DPP6: variants seen among roughly 807,000 people sequenced by gnomAD.
DPP6 encodes A-type potassium channel modulatory protein DPP6.
DPP6 carries 69 observed loss-of-function variants against 122.6 expected under a neutral mutation model. The observed-to-expected ratio is 0.56, with a 90% confidence interval of 0.46 to 0.69. DPP6 has a LOEUF of 0.69. Ranked by LOEUF, DPP6 falls within the 30% of genes least tolerant of loss-of-function variation. The probability of loss-of-function intolerance (pLI) is 0.00; values close to 1 mark genes in which losing one functional copy is unlikely to be tolerated. For synonymous variants in DPP6, 418 were observed against 433.1 expected, an observed-to-expected ratio of 0.97 and a Z score of 0.43; for missense variants, 928 against 1,116.9, an observed-to-expected ratio of 0.83 and a Z score of 2.41.
chr7:154,802,258 G>A (rs983116776), intron 13 of DPP6, among the ~76,000 whole-genome samples: 2 of 152,240 alleles, frequency 1.3e-5, no homozygotes, highest in African/African-American at 4.8e-5. Flanking sequence ...TGACATAGAA[G>A]GCTCATATTT....
At chr7:154,155,726 T>G (rs773634781) in intron 1 of DPP6, among the ~76,000 whole-genome samples, 2 of 152,220 alleles carry the variant, frequency 1.3e-5, no homozygotes, top group Non-Finnish European at 2.9e-5. Context: ...AGTTTCAGAA[T>G]GTGTCTGATC....
At chr7:154,584,901 A>G (rs1282313296) in intron 5 of DPP6, among the ~76,000 whole-genome samples, 1 of 152,244 alleles carries the variant, frequency 6.6e-6, no homozygotes, top group Non-Finnish European at 1.5e-5. Flanking sequence ...GTATCTTTAT[A>G]TAACATATAC....
intron 7 of DPP6, among the ~76,000 whole-genome samples, chr7:154,693,046 C>T (rs1563110490): frequency 6.6e-6 from 1 of 152,198 alleles, no homozygotes; most frequent in South Asian, 2.1e-4. Context: ...CCTGCCTCAG[C>T]CTCCCAAAGT....
At chr7:154,014,072 C>T (rs1798281846) in intron 1 of DPP6, among the ~76,000 whole-genome samples, 1 of 152,036 alleles carries the variant, frequency 6.6e-6, no homozygotes, top group African/African-American at 2.4e-5. Flanking sequence ...CTACCTAATA[C>T]CTAATTCCAA....
intron 1 of DPP6, among the ~76,000 whole-genome samples, chr7:154,070,476 T>G (rs1803039240): frequency 6.6e-6 from 1 of 152,208 alleles, no homozygotes; most frequent in Non-Finnish European, 1.5e-5. Flanking sequence ...TTTTAAGTGT[T>G]TTATGTGATC....
At chr7:154,377,085 G>C (rs1267381662) in intron 1 of DPP6, among the ~76,000 whole-genome samples, 3 of 152,132 alleles carry the variant, frequency 2.0e-5, no homozygotes, top group African/African-American at 7.2e-5. Context: ...AGAGTTCTGA[G>C]CCATTTTCTT....
chr7:154,239,818 C>CAAAAAAAAAAA (rs146860382), intron 1 of DPP6, among the ~76,000 whole-genome samples: 1 of 91,848 alleles, frequency 1.1e-5, no homozygotes, highest in Non-Finnish European at 2.6e-5. Flanking sequence ...ACTAAAACTA[C>CAAAAAAAAAAA]AAAAAAAAAA....
chr7:154,014,301 A>G (rs1236640298), intron 1 of DPP6, among the ~76,000 whole-genome samples: 3 of 143,112 alleles, frequency 2.1e-5, no homozygotes, highest in Non-Finnish European at 4.5e-5. Context: ...TCAAATTTAT[A>G]CTAGCATAAG....
chr7:154,724,977 G>C lies in DPP6; in HGVS notation c.763-2790G>C, dbSNP rs569460720. ...TAAATTTTTTTCAATAGCTTTCTGA[G>C]AAAGACCTTGCCTGCCCTTTGCCTG... On this transcript the variant is annotated intron_variant, in intron 7 of 25. Transcript: ENST00000377770. 1.2e-4 allele frequency among the ~76,000 whole-genome samples: 18 copies of C among 152,270 alleles called. No individual in the cohort carries two copies. In the South Asian group the frequency reaches 3.3e-3, roughly 28 times the overall value.
the DPP6 span, among the ~76,000 whole-genome samples, chr7:153,755,789 CTT>C: frequency 6.6e-6 from 1 of 152,162 alleles, no homozygotes; most frequent in Non-Finnish European, 1.5e-5. Flanking sequence ...CTCTTCAAGA[CTT>C]TATATCTTTG....
At chr7:154,230,894 C>A (rs1465815864) in intron 1 of DPP6, among the ~76,000 whole-genome samples, 1 of 152,224 alleles carries the variant, frequency 6.6e-6, no homozygotes. Flanking sequence ...TCAGTCCAAA[C>A]TATTCTACCT....
At chr7:154,506,979 T>G (rs1179698471) in intron 3 of DPP6, among the ~76,000 whole-genome samples, 1 of 152,194 alleles carries the variant, frequency 6.6e-6, no homozygotes, top group African/African-American at 2.4e-5. Context: ...AAATTTCACA[T>G]CATACTTTTC....
the DPP6 span, among the ~76,000 whole-genome samples, chr7:153,789,507 T>G: frequency 6.6e-6 from 1 of 152,152 alleles, no homozygotes; most frequent in Non-Finnish European, 1.5e-5. Context: ...AACACTGGAT[T>G]TATGAGAAAT....
At chr7:154,473,583 A>G (rs2151345260) in intron 2 of DPP6, among the ~76,000 whole-genome samples, 1 of 152,360 alleles carries the variant, frequency 6.6e-6, no homozygotes, top group African/African-American at 2.4e-5. Context: ...AATAAAACCC[A>G]TGCAATGCAC....
chr7:154,087,567 G>A (rs1393680895), intron 1 of DPP6, among the ~76,000 whole-genome samples: 1 of 152,200 alleles, frequency 6.6e-6, no homozygotes, highest in African/African-American at 2.4e-5. Context: ...CTCAGCTAGA[G>A]AGCCTTTTTA....
chr7:153,992,594 C>T (rs1797230998), intron 1 of DPP6, among the ~76,000 whole-genome samples: 1 of 152,228 alleles, frequency 6.6e-6, no homozygotes, highest in African/African-American at 2.4e-5. Context: ...ATCCGTCCTA[C>T]CCACTGCCAT....
chr7:153,800,448 T>G, the DPP6 span, among the ~76,000 whole-genome samples: 1 of 152,168 alleles, frequency 6.6e-6, no homozygotes, highest in Non-Finnish European at 1.5e-5. Context: ...GAAGAGAGGT[T>G]GCTTAATGGG....
intron 4 of DPP6, among the ~76,000 whole-genome samples, chr7:154,558,729 G>A (rs11764641): frequency 0.22 from 34,170 of 152,148 alleles, 4,287 homozygotes; most frequent in East Asian, 0.56. Flanking sequence ...GGTTCGTGTA[G>A]GTACTTTCTG....
intron 1 of DPP6, among the ~76,000 whole-genome samples, chr7:154,195,222 G>A (rs906201991): frequency 2.4e-4 from 37 of 152,156 alleles, no homozygotes; most frequent in African/African-American, 8.0e-4. Context: ...ACCATTTCTC[G>A]AAAAGACGAT....
Sources: allele counts gnomAD v4.1 joint callset (sites outside exome capture counted in the v4.1 genomes callset), GRCh38; gene constraint gnomAD v4.1.1; transcripts MANE v1.5; gene names NCBI Gene and HGNC (gene_info 2026-07-23, HGNC 2026-07-21).